CLEC16A: variants seen among roughly 807,000 people sequenced by gnomAD.
CLEC16A encodes the protein C-type lectin domain containing 16A.
Under a neutral mutation model 109.5 loss-of-function variants are expected in CLEC16A, and 51 were observed. The ratio of observed to expected loss-of-function variants is 0.47; its 90% confidence interval spans 0.37 to 0.59. The LOEUF is 0.59. CLEC16A is among the 20% of genes least tolerant of loss of function. CLEC16A has a pLI of 0.00. For synonymous variants in CLEC16A, 673 were observed against 564.2 expected, an observed-to-expected ratio of 1.19 and a Z score of -2.73; for missense variants, 1,339 against 1,394.0, an observed-to-expected ratio of 0.96 and a Z score of 0.63.
intron 13 of CLEC16A, among the ~76,000 whole-genome samples, chr16:11,032,673 G>C (rs1242258407): frequency 6.6e-6 from 1 of 152,200 alleles, no homozygotes; most frequent in African/African-American, 2.4e-5. Flanking sequence ...TCTGAGGAAG[G>C]ACCAGCAGAG....
chr16:11,164,908 G>GGC (rs1555504496), intron 22 of CLEC16A, among the ~76,000 whole-genome samples: 7 of 152,324 alleles, frequency 4.6e-5, no homozygotes, highest in African/African-American at 1.7e-4. Context: ...GTTCAGGCAG[G>GGC]GCAGGTGGCA....
chr16:10,955,145 C>G (rs1016181217), intron 1 of CLEC16A, among the ~76,000 whole-genome samples: 1 of 152,252 alleles, frequency 6.6e-6, no homozygotes, highest in Non-Finnish European at 1.5e-5. Context: ...AAGCCCAAGT[C>G]TGTCTGCCAG....
intron 11 of CLEC16A, among the ~76,000 whole-genome samples, chr16:11,013,418 CAGG>C (rs1278601396): frequency 1.3e-5 from 2 of 152,038 alleles, no homozygotes; most frequent in Admixed American, 1.3e-4. Flanking sequence ...CATTTGAAAT[CAGG>C]AGTTTGAGAC....
At chr16:11,092,353 CAAAA>C (rs1237620471) in intron 19 of CLEC16A, among the ~76,000 whole-genome samples, 1 of 119,398 alleles carries the variant, frequency 8.4e-6, no homozygotes, top group Non-Finnish European at 1.7e-5. Flanking sequence ...AAAAAACAAA[CAAAA>C]ACAAACACAC....
intron 13 of CLEC16A, chr16:11,027,177 C>A: frequency 3.6e-6 from 5 of 1,395,944 alleles, no homozygotes; most frequent in African/African-American, 1.4e-5. Context: ...GTTTAAGCTA[C>A]TGGAATCATT....
intron 22 of CLEC16A, among the ~76,000 whole-genome samples, chr16:11,158,183 AT>A (rs894827129): frequency 1.3e-4 from 19 of 151,662 alleles, no homozygotes; most frequent in Non-Finnish European, 2.8e-4. Flanking sequence ...GGGCCGATTG[AT>A]TTTTTTTTAC....
Position 11,055,000 on chromosome 16 carries a change from C to T in CLEC16A, c.1995+3359C>T, listed in dbSNP as rs2048137066. ...GCTGATCCTTTTTAGAAACTCCATC[C>T]TTTATTTTCCTTAAGGACTTGTCAA... On this transcript the variant is annotated intron_variant, in intron 18 of 23. Transcript: ENST00000409790. Among the ~76,000 whole-genome samples the T allele has an allele frequency of 1.3e-5, 2 of 149,174 alleles. 1 individual carries two copies. The highest frequency in any genetic ancestry group is 4.2e-4 in the South Asian group (2 of 4,746).
intron 2 of CLEC16A, 144 bp from the exon 3 acceptor site, chr16:10,962,311 G>C: frequency 1.2e-6 from 1 of 818,418 alleles, no homozygotes; most frequent in Non-Finnish European, 2.0e-6. Flanking sequence ...CAGTTGTGGC[G>C]GGTGACAATG....
At chr16:11,107,529 G>A (rs1223384844) in intron 19 of CLEC16A, among the ~76,000 whole-genome samples, 1 of 152,236 alleles carries the variant, frequency 6.6e-6, no homozygotes, top group Non-Finnish European at 1.5e-5. Context: ...AATTGAGTGT[G>A]CTAGTTCACA....
intron 19 of CLEC16A, among the ~76,000 whole-genome samples, chr16:11,061,315 G>A (rs996219029): frequency 1.3e-5 from 2 of 152,164 alleles, no homozygotes; most frequent in African/African-American, 4.8e-5. Context: ...CAGGGTTCCT[G>A]TCCTCCCTAT....
At chr16:10,948,129 G>T (rs12929836) in intron 1 of CLEC16A, among the ~76,000 whole-genome samples, 1 of 152,002 alleles carries the variant, frequency 6.6e-6, no homozygotes, top group South Asian at 2.1e-4. Flanking sequence ...TCCTGACCTT[G>T]TGATCTGCCC....
At chr16:11,119,554 C>G (rs1056993629) in intron 19 of CLEC16A, among the ~76,000 whole-genome samples, 10 of 152,136 alleles carry the variant, frequency 6.6e-5, no homozygotes, top group African/African-American at 2.4e-4. Context: ...CCACACTCAA[C>G]TAATTTTTTG....
intron 10 of CLEC16A, among the ~76,000 whole-genome samples, chr16:10,997,164 G>C (rs1244763432): frequency 6.6e-6 from 1 of 152,100 alleles, no homozygotes; most frequent in Non-Finnish European, 1.5e-5. Context: ...GTCTCACCAT[G>C]CTTCCTGTGC....
At chr16:10,971,705 T>G (rs887183730) in intron 5 of CLEC16A, among the ~76,000 whole-genome samples, 22 of 152,230 alleles carry the variant, frequency 1.4e-4, no homozygotes, top group South Asian at 6.2e-4. Flanking sequence ...CAATTCCTCC[T>G]TTCCCTCAAG....
intron 1 of CLEC16A, among the ~76,000 whole-genome samples, chr16:10,956,366 G>A (rs189016569): frequency 1.7e-4 from 26 of 152,222 alleles, no homozygotes; most frequent in Admixed American, 5.2e-4. Context: ...TGTCTTACCC[G>A]TTTTTAGAGA....
At chr16:10,955,456 G>C (rs1314064532) in intron 1 of CLEC16A, among the ~76,000 whole-genome samples, 2 of 152,124 alleles carry the variant, frequency 1.3e-5, no homozygotes, top group African/African-American at 4.8e-5. Flanking sequence ...GGGTACAGAG[G>C]TGCCAGTGAG....
intron 22 of CLEC16A, among the ~76,000 whole-genome samples, chr16:11,147,668 A>C (rs996971923): frequency 1.3e-5 from 2 of 152,254 alleles, no homozygotes; most frequent in Non-Finnish European, 2.9e-5. Flanking sequence ...AAATGGATTC[A>C]TTGTACAGTA....
intron 11 of CLEC16A, among the ~76,000 whole-genome samples, chr16:11,007,149 C>G (rs1416992118): frequency 6.6e-6 from 1 of 152,170 alleles, no homozygotes; most frequent in Non-Finnish European, 1.5e-5. Context: ...GGCTGGACTA[C>G]TGTTTTTTTG....
intron 11 of CLEC16A, among the ~76,000 whole-genome samples, chr16:11,009,394 A>G (rs532288370): frequency 3.3e-5 from 5 of 152,184 alleles, no homozygotes; most frequent in South Asian, 2.1e-4. Flanking sequence ...TAATGCCGCT[A>G]TAAACATGGG....
Sources: gnomAD v4.1 joint callset for allele counts (sites outside exome capture counted in the v4.1 genomes callset) on GRCh38, gnomAD v4.1.1 for gene constraint, MANE v1.5 for transcripts, NCBI Gene and HGNC (gene_info 2026-07-23, HGNC 2026-07-21) for gene names.